Variants in DGKI observed in about 807,000 individuals in gnomAD.
DGKI encodes diacylglycerol kinase iota.
DGKI carries 55 observed loss-of-function variants against 147.5 expected under a neutral mutation model. The ratio of observed to expected loss-of-function variants is 0.37; its 90% confidence interval spans 0.30 to 0.47. The LOEUF (loss-of-function observed/expected upper bound fraction) is 0.47, where lower values mean the gene tolerates loss of function less well. DGKI is among the 20% of genes least tolerant of loss of function. The pLI is 1.00. For missense variants in DGKI, 1,007 were observed against 1,323.8 expected (o/e 0.76, Z 3.71); for synonymous variants, 469 against 477.1 (o/e 0.98, Z 0.22).
At chr7:137,426,646 A>G (rs10237802) in intron 28 of DGKI, among the ~76,000 whole-genome samples, 52,677 of 107,320 alleles carry the variant, frequency 0.49, 9,938 homozygotes, top group East Asian at 0.7. Context: ...TGCTGTATTC[A>G]GGAAACCCAT....
chr7:137,444,152 G>T, intron 27 of DGKI, 50 bp from the exon 28 acceptor site: 2 of 1,085,460 alleles, frequency 1.8e-6, no homozygotes, highest in Non-Finnish European at 2.7e-6. Context: ...TAATTATAAT[G>T]ATAATCAAGA....
At chr7:137,616,965 G>C (rs1177379452) in intron 8 of DGKI, among the ~76,000 whole-genome samples, 1 of 151,638 alleles carries the variant, frequency 6.6e-6, no homozygotes, top group Non-Finnish European at 1.5e-5. Context: ...AAAACTCTTT[G>C]ATAGATAACA....
chr7:137,535,913 G>C (rs761616321), intron 20 of DGKI, among the ~76,000 whole-genome samples: 2 of 151,994 alleles, frequency 1.3e-5, no homozygotes, highest in African/African-American at 4.8e-5. Flanking sequence ...CACTCCTTAC[G>C]ATTCTAAAAG....
chr7:137,584,704 AT>A (rs928962897), intron 14 of DGKI, among the ~76,000 whole-genome samples: 27 of 151,898 alleles, frequency 1.8e-4, no homozygotes, highest in Admixed American at 5.9e-4. Flanking sequence ...ATAAAAGTCA[AT>A]TTTTTTTTAA....
intron 1 of DGKI, among the ~76,000 whole-genome samples, chr7:137,815,344 C>A (rs1357855859): frequency 2.0e-5 from 3 of 152,160 alleles, no homozygotes; most frequent in Non-Finnish European, 2.9e-5. Flanking sequence ...AGCTTCTGCA[C>A]AGGCTTTGGT....
intron 27 of DGKI, among the ~76,000 whole-genome samples, chr7:137,454,174 G>T (rs1814090468): frequency 1.3e-5 from 2 of 152,096 alleles, no homozygotes; most frequent in Non-Finnish European, 2.9e-5. Flanking sequence ...TGCATTCATT[G>T]ATCAGCCAGG....
At chr7:137,691,798 G>GTTTTTTTTGTTTTTTTTTTTT (rs1823613006) in intron 1 of DGKI, among the ~76,000 whole-genome samples, 1 of 95,816 alleles carries the variant, frequency 1.0e-5, no homozygotes, top group Non-Finnish European at 2.0e-5. Flanking sequence ...AGACCTTTGG[G>GTTTTTTTTGTTTTTTTTTTTT]TTTTTTTTTT....
intron 1 of DGKI, among the ~76,000 whole-genome samples, chr7:137,787,198 TA>T (rs1796700851): frequency 6.6e-6 from 1 of 151,754 alleles, no homozygotes; most frequent in African/African-American, 2.4e-5. Context: ...CACAGAGTGG[TA>T]AAAAATATTC....
chr7:137,462,949 TC>T (rs1814505953), intron 27 of DGKI, among the ~76,000 whole-genome samples: 1 of 151,792 alleles, frequency 6.6e-6, no homozygotes, highest in Non-Finnish European at 1.5e-5. Flanking sequence ...ACTGTTCTGA[TC>T]TACAAACAAA....
At chr7:137,472,873 T>C (rs1227186231) in intron 23 of DGKI, among the ~76,000 whole-genome samples, 1 of 152,056 alleles carries the variant, frequency 6.6e-6, no homozygotes, top group Non-Finnish European at 1.5e-5. Flanking sequence ...ATGTTGAATA[T>C]GCTGCAGAGG....
chr7:137,792,316 T>C (rs73729040), intron 1 of DGKI, among the ~76,000 whole-genome samples: 1,896 of 152,300 alleles, frequency 0.012, 41 homozygotes, highest in African/African-American at 0.043. Flanking sequence ...GGGGATTATA[T>C]GTATAATAGA....
At chr7:137,604,152 C>T (rs536752351) in intron 10 of DGKI, among the ~76,000 whole-genome samples, 61 of 152,270 alleles carry the variant, frequency 4.0e-4, no homozygotes, top group Admixed American at 9.8e-4. Context: ...TTAATTCCAT[C>T]TGTTGAGGCT....
At chr7:137,432,000 T>C (rs1044003147) in intron 28 of DGKI, among the ~76,000 whole-genome samples, 5 of 152,176 alleles carry the variant, frequency 3.3e-5, no homozygotes, top group African/African-American at 1.2e-4. Context: ...TCCCCTGCGG[T>C]GTTCTCACGA....
chr7:137,608,770 A>G (rs1429357787), intron 10 of DGKI, among the ~76,000 whole-genome samples, 196 bp downstream of exon 10: 1 of 152,206 alleles, frequency 6.6e-6, no homozygotes, highest in Non-Finnish European at 1.5e-5. Flanking sequence ...AAGCAGACAG[A>G]TAAATTATAG....
rs1811619103 is a variant in DGKI, at chr7:137,398,102, G to A, written c.2921-689C>T. On this transcript the variant is annotated intron_variant, in intron 30 of 32. Transcript: ENST00000614521. Reference sequence around the variant, plus strand: ...CCTCTTCAGCCTATGGGTATCCAATGAGACTTTTTTTCCCCATAAAGCCCT... The same window carrying A: ...CCTCTTCAGCCTATGGGTATCCAATAAGACTTTTTTTCCCCATAAAGCCCT... 1.3e-5 allele frequency among the ~76,000 whole-genome samples: 2 copies of A among 152,236 alleles called. 1 individual carries two copies. Among genetic ancestry groups the A allele is most frequent in the Admixed American group, 1.3e-4 (2 of 15,292 alleles).
At chr7:137,603,664 C>T (rs1820073854) in intron 10 of DGKI, among the ~76,000 whole-genome samples, 1 of 152,238 alleles carries the variant, frequency 6.6e-6, no homozygotes, top group South Asian at 2.1e-4. Context: ...CTCTTAAGCC[C>T]AAGTTGAGAG....
intron 1 of DGKI, among the ~76,000 whole-genome samples, chr7:137,837,007 G>A (rs527892090): frequency 4.5e-4 from 68 of 152,306 alleles, no homozygotes; most frequent in Non-Finnish European, 9.1e-4. Context: ...ATGGGAAAGG[G>A]TGAAAAGAGG....
At chr7:137,634,200 T>A (rs1288557341) in intron 6 of DGKI, among the ~76,000 whole-genome samples, 2 of 152,224 alleles carry the variant, frequency 1.3e-5, no homozygotes, top group East Asian at 3.8e-4. Flanking sequence ...CATTTAGGAA[T>A]GTGATCCATT....
At chr7:137,647,779 C>T (rs1026891005) in intron 5 of DGKI, among the ~76,000 whole-genome samples, 3 of 152,208 alleles carry the variant, frequency 2.0e-5, no homozygotes, top group Non-Finnish European at 4.4e-5. Context: ...TAGTCCACTG[C>T]CTGCTTAGGA....
Sources: gnomAD v4.1 joint callset for allele counts (sites outside exome capture counted in the v4.1 genomes callset) on GRCh38, gnomAD v4.1.1 for gene constraint, MANE v1.5 for transcripts, NCBI Gene and HGNC (gene_info 2026-07-23, HGNC 2026-07-21) for gene names.